The following P3H3 variants were observed in gnomAD, a reference collection of about 807,000 sequenced individuals.
P3H3 encodes gene rich cluster, B.
A neutral mutation model predicts 78.1 loss-of-function variants in P3H3; 64 were observed. The observed-to-expected ratio is 0.82, with a 90% confidence interval of 0.67 to 1.01. P3H3 has a LOEUF of 1.01. Ranked by LOEUF, P3H3 falls within the 50% of genes least tolerant of loss-of-function variation. P3H3 has a pLI of 0.00. For synonymous variants in P3H3, 425 were observed against 416.7 expected (o/e 1.02, Z -0.24); for missense variants, 975 against 982.2 (o/e 0.99, Z 0.10).
rs782567253 is a variant in P3H3, at chr12:6,838,068, G to T, written c.1905+35G>T. 3 of 1,572,326 alleles carry T rather than the reference G, an allele frequency of 1.9e-6. No individual in the cohort carries two copies. The African/African-American group carries it at 4.1e-5, about 21-fold the overall frequency. On this transcript the variant is annotated intron_variant, in intron 13 of 14. Coordinates refer to ENST00000290510, the MANE Select transcript of P3H3 (RefSeq NM_014262.5). The stretch of plus-strand genomic sequence containing the variant: ...GTGGGGGGTGTGACGGTGTGACAAA[G>T]GGCCCAGCTGTGGGGTCAGGATTCA...
At chr12:6,835,951 C>A (rs782195409) in intron 9 of P3H3, among the ~76,000 whole-genome samples, 1 of 151,988 alleles carries the variant, frequency 6.6e-6, no homozygotes, top group African/African-American at 2.4e-5. Context: ...CGTTGGCTGG[C>A]GAGGTGGCTC....
intron 9 of P3H3, among the ~76,000 whole-genome samples, chr12:6,836,155 G>A (rs1029448106): frequency 2.0e-5 from 3 of 150,344 alleles, no homozygotes; most frequent in Non-Finnish European, 4.4e-5. Flanking sequence ...CTGGGAGGTG[G>A]AGATTGCAGT....
chr12:6,830,771 G>A lies in P3H3; in HGVS notation c.985+1G>A, dbSNP rs782615782. ...CGGCTACATGAGGCCCATGCTCAGG[G>A]TCAGTTGGGGAAGGGTGGAAACGGG... On this transcript the variant is annotated splice_donor_variant, in intron 4 of 14. Coordinates refer to ENST00000290510, the MANE Select transcript of P3H3 (RefSeq NM_014262.5). LOFTEE classifies it high-confidence loss of function. 4.7e-5 allele frequency: 76 copies of A among 1,613,878 alleles called. No individual in the cohort carries two copies. In the South Asian group the frequency reaches 7.9e-4, roughly 17 times the overall value.
chr12:6,828,845 C>A lies in P3H3; in HGVS notation c.405C>A (p.Pro135=). 8.0e-7 allele frequency: 1 copy of A among 1,244,792 alleles called. No homozygotes were observed. The highest frequency in any genetic ancestry group is 1.0e-6 in the Non-Finnish European group (1 of 994,394). 77.1% of individuals were successfully genotyped at this position (1,244,792 alleles called of 1,614,324 possible). The change falls in exon 1 of 15, where the codon CCC becomes CCA. Residue 135 remains proline, a synonymous_variant. Transcript: ENST00000290510. ...LTQCAARRLG[P]GGAARLRVGS... The stretch of plus-strand genomic sequence containing the variant: ...AGTGCGCAGCACGGAGGCTGGGCCC[C>A]GGGGGCGCGGCGCGGCTTCGCGTGG...
rs1342391541 is a variant in P3H3, at chr12:6,828,910, A to G, written c.470A>G (p.Tyr157Cys). The G allele has an allele frequency of 3.6e-5, 45 of 1,245,642 alleles. No homozygotes were observed. Among genetic ancestry groups the G allele is most frequent in the Non-Finnish European group, 4.4e-5 (44 of 994,688 alleles). 77.2% of individuals were successfully genotyped at this position (1,245,642 alleles called of 1,614,324 possible). Residue 157 changes from tyrosine to cysteine, a missense_variant, in exon 1 of 15, where the codon TAC becomes TGC. Physicochemically the swap from Tyr to Cys is radical, Grantham distance 194. Transcript: ENST00000290510. The stretch of plus-strand genomic sequence containing the variant: ...GACGCCTTCCGCCGTCGGGAGCCCT[A>G]CAACTACCTGCAGAGGGCCTATTAC... Reference protein sequence around the residue: ...LRDAFRRREPYNYLQRAYYQL... With the variant: ...LRDAFRRREPCNYLQRAYYQL...
Position 6,830,677 on chromosome 12 carries a change from G to T in P3H3, c.892G>T (p.Val298Leu), listed in dbSNP as rs782718458. ...IQVLQCRQRC[V>L]GETATRPGRS... ...GGTCCTGCAGTGCCGGCAACGCTGTGTGGGGGAAACAGCCACACGCCCTGG... is the reference window on the plus strand; with the variant it reads ...GGTCCTGCAGTGCCGGCAACGCTGTTTGGGGGAAACAGCCACACGCCCTGG... The change falls in exon 4 of 15, where the codon GTG becomes TTG. Residue 298 changes from valine (V) to leucine (L), a missense_variant. Coordinates refer to ENST00000290510, the MANE Select transcript of P3H3 (RefSeq NM_014262.5). 2.5e-6 allele frequency: 4 copies of T among 1,613,460 alleles called. No homozygotes were observed. In the African/African-American group the frequency reaches 5.3e-5, roughly 22 times the overall value.
Position 6,833,949 on chromosome 12 carries a change from C to T in P3H3, c.1358C>T (p.Thr453Ile), listed in dbSNP as rs782680410. The T allele has an allele frequency of 1.2e-6, 2 of 1,613,978 alleles. No homozygotes were observed. The highest frequency in any genetic ancestry group is 1.1e-5 in the South Asian group (1 of 91,076). ...GATGTCCTTCTCCTGGAGGGTGTGA[C>T]CTTGACCCAGGATTCCAGGCAGCTG... ...WKDVLLLEGV[T>I]LTQDSRQLNG... is the part of the protein sequence containing the mutation. Residue 453 changes from threonine to isoleucine, a missense_variant, in exon 9 of 15, where the codon ACC becomes ATC. By Grantham distance (89) the Thr-to-Ile change is moderately conservative. Coordinates refer to ENST00000290510, the MANE Select transcript of P3H3 (RefSeq NM_014262.5).
In P3H3 at chr12:6,828,868, T is replaced by A. The variant is rs992878522; in HGVS notation, c.428T>A (p.Val143Glu). 1.6e-6 allele frequency: 2 copies of A among 1,246,694 alleles called. No individual in the cohort carries two copies. Among genetic ancestry groups the A allele is most frequent in the African/African-American group, 3.1e-5 (2 of 64,564 alleles). 77.2% of individuals were successfully genotyped at this position (1,246,694 alleles called of 1,614,324 possible). Residue 143 changes from valine (V) to glutamate (E), a missense_variant, in exon 1 of 15, where the codon GTG becomes GAG. Val to Glu is a moderately radical substitution (Grantham distance 121). Transcript: ENST00000290510. ...CCCGGGGGCGCGGCGCGGCTTCGCG[T>A]GGGGAGCGCGCTCCGGGACGCCTTC... ...LGPGGAARLR[V>E]GSALRDAFRR...
Position 6,833,712 on chromosome 12 carries a change from C to T in P3H3, c.1266-30C>T, listed in dbSNP as rs1466494448. ...GAGGCTGGGTCTGGACTGTCCTGGGCACCCACTGAGCGCATCTCTCACCCC... is the reference window on the plus strand; with the variant it reads ...GAGGCTGGGTCTGGACTGTCCTGGGTACCCACTGAGCGCATCTCTCACCCC... On this transcript the variant is annotated intron_variant, in intron 7 of 14. Transcript: ENST00000290510. The T allele has an allele frequency of 5.0e-6, 8 of 1,598,824 alleles. No homozygotes were observed. The African/African-American group carries it at 1.1e-4, about 21-fold the overall frequency.
rs1555121197 is a variant in P3H3, at chr12:6,830,521, G to A, written c.820G>A (p.Ala274Thr). ...QGAEEEEDGA[A>T]SQGGLYEAIA... The stretch of plus-strand genomic sequence containing the variant: ...GGCTGAAGAAGAGGAGGATGGGGCT[G>A]CGAGCCAGGGGGGCCTCTATGAGGC... Residue 274 changes from alanine (A) to threonine (T), a missense_variant, in exon 3 of 15, where the codon GCG (alanine) becomes ACG (threonine). Ala to Thr is a moderately conservative substitution (Grantham distance 58). Transcript: ENST00000290510. The A allele has an allele frequency of 6.3e-7, 1 of 1,575,100 alleles. No individual in the cohort carries two copies. The highest frequency in any genetic ancestry group is 8.6e-7 in the Non-Finnish European group (1 of 1,160,888).
At chr12:6,832,865 GA>G (rs201458256) in intron 6 of P3H3, among the ~76,000 whole-genome samples, 150,309 of 150,312 alleles carry the variant, frequency 1, 75,153 homozygotes, top group Middle Eastern at 1. Flanking sequence ...GACCCCCAAA[GA>G]TGCTGGGATT....
At position 6,831,396 on chromosome 12, in the gene P3H3, A is replaced by G. The variant is rs1046384252; in HGVS notation, c.1122+44A>G. Reference sequence around the variant, plus strand: ...TCACCTGGGAGGTAGCCCCAAATCAAACAAATAGACCTGAGAAGTAACCTG... The same window carrying G: ...TCACCTGGGAGGTAGCCCCAAATCAGACAAATAGACCTGAGAAGTAACCTG... On this transcript the variant is annotated intron_variant, in intron 5 of 14. Coordinates refer to ENST00000290510, the MANE Select transcript of P3H3 (RefSeq NM_014262.5). This position sits in a 1 kb window ranked among gnomAD's most constrained non-coding sequence, Gnocchi z 4.6. The G allele has an allele frequency of 1.9e-6, 3 of 1,610,676 alleles. No individual in the cohort carries two copies.
At position 6,830,104 on chromosome 12, in the gene P3H3, A is replaced by T. The variant is rs1045381624; in HGVS notation, c.651+93A>T. ...AAACTGTGCGTTGTGCTGCTTGAGCATACAGATGGGGTAATGATCCTCAGC... is the reference window on the plus strand; with the variant it reads ...AAACTGTGCGTTGTGCTGCTTGAGCTTACAGATGGGGTAATGATCCTCAGC... On this transcript the variant is annotated intron_variant, in intron 2 of 14. Transcript: ENST00000290510. 2.3e-5 allele frequency: 34 copies of T among 1,507,796 alleles called. No individual in the cohort carries two copies. The African/African-American group carries it at 4.6e-4, about 20-fold the overall frequency. The allele number at this position is 1,507,796 out of a possible 1,614,324, so 93.4% of individuals were successfully genotyped here.
rs781981903 is a variant in P3H3, at chr12:6,833,804, G to A, written c.1328G>A (p.Trp443Ter). The A allele has an allele frequency of 1.9e-6, 3 of 1,611,554 alleles. No individual in the cohort carries two copies. The highest frequency in any genetic ancestry group is 2.5e-6 in the Non-Finnish European group (3 of 1,177,706). The change falls in exon 8 of 15, where the codon TGG becomes TAG. Residue 443 changes from tryptophan to a stop codon, truncating the protein, a stop_gained. Transcript: ENST00000290510. LOFTEE classifies it high-confidence loss of function. ...GTGAAGCCAAAGCCCTTGACCTACTGGAAGGGTGAGTTCCTGGGAGGGAGA... is the reference window on the plus strand; with the variant it reads ...GTGAAGCCAAAGCCCTTGACCTACTAGAAGGGTGAGTTCCTGGGAGGGAGA... Reference protein sequence around the residue: ...EPVKPKPLTYWKDVLLLEGVT... With the variant: ...EPVKPKPLTY
rs1555122506 is a variant in P3H3, at chr12:6,838,043, G to A, written c.1905+10G>A. ...CGCCCTCACTGTCACGGTGCGTGGA[G>A]TGGGGGGTGTGACGGTGTGACAAAG... On this transcript the variant is annotated intron_variant, in intron 13 of 14. Coordinates refer to ENST00000290510, the MANE Select transcript of P3H3 (RefSeq NM_014262.5). The A allele has an allele frequency of 1.3e-6, 2 of 1,593,280 alleles. No individual in the cohort carries two copies. The highest frequency in any genetic ancestry group is 3.5e-5 in the Admixed American group (2 of 56,882).
At chr12:6,832,863 A>G (rs1273630175) in intron 6 of P3H3, among the ~76,000 whole-genome samples, 11 of 132 alleles carry the variant, frequency 0.083, no homozygotes, top group African/African-American at 0.17. Context: ...CGGACCCCCA[A>G]AGATGCTGGG....
At position 6,830,708 on chromosome 12, in the gene P3H3, G is replaced by A; in HGVS notation, c.923G>A (p.Ser308Asn). 1 of 1,613,920 alleles carries A rather than the reference G, an allele frequency of 6.2e-7. No homozygotes were observed. Among genetic ancestry groups the A allele is most frequent in the Non-Finnish European group, 8.5e-7 (1 of 1,179,862 alleles). ...GAAACAGCCACACGCCCTGGTCGCA[G>A]CTTCCCTGTCCCAGACTTCCTTCCC... ...VGETATRPGR[S>N]FPVPDFLPNQ... The change falls in exon 4 of 15, where the codon AGC becomes AAC. Residue 308 changes from serine (S) to asparagine (N), a missense_variant. Ser to Asn is a conservative substitution (Grantham distance 46, BLOSUM62 1). Transcript: ENST00000290510.
intron 2 of P3H3, 85 bp downstream of exon 2, chr12:6,830,096 G>A (rs1456333929): frequency 1.8e-5 from 27 of 1,541,752 alleles, no homozygotes; most frequent in Non-Finnish European, 2.3e-5. Flanking sequence ...GCGTTGTGCT[G>A]CTTGAGCATA....
At chr12:6,837,650 G>A (rs782592895) in intron 11 of P3H3, 77 bp downstream of exon 11, 5 of 1,582,192 alleles carry the variant, frequency 3.2e-6, no homozygotes, top group Non-Finnish European at 4.3e-6. Context: ...GAGCCCCGGG[G>A]TGGACGTGCA....
Sources: allele counts gnomAD v4.1 joint callset (sites outside exome capture counted in the v4.1 genomes callset), GRCh38; gene constraint gnomAD v4.1.1; non-coding constraint Gnocchi (gnomAD v3.1); transcripts MANE v1.5; gene names NCBI Gene and HGNC (gene_info 2026-07-23, HGNC 2026-07-21).